Variants in ABCB9 observed in about 807,000 individuals in gnomAD.
ABCB9 encodes the protein ABC-type oligopeptide transporter ABCB9.
Under a neutral mutation model 62.0 loss-of-function variants are expected in ABCB9, and 36 were observed. The observed-to-expected ratio is 0.58, with a 90% CI of 0.45 to 0.77. The LOEUF (loss-of-function observed/expected upper bound fraction) is 0.77, where lower values mean the gene tolerates loss of function less well. Among genes scored for constraint, ABCB9 ranks in the 30% least tolerant of loss-of-function variants. The pLI is 0.00. For synonymous variants in ABCB9, 435 were observed against 461.4 expected (o/e 0.94, Z 0.73); for missense variants, 943 against 1,054.7 (o/e 0.89, Z 1.47).
At position 122,930,035 on chromosome 12, in the gene ABCB9, T is replaced by A. The variant is rs777845065; in HGVS notation, c.2177A>T (p.Gln726Leu). 6.4e-7 allele frequency: 1 copy of A among 1,572,082 alleles called. No homozygotes were observed. The highest frequency in any genetic ancestry group is 8.6e-7 in the Non-Finnish European group (1 of 1,159,702). ...GTAGAGGCCGCCCTGGGCCAGCAGC[T>A]GCTGGTGGGTGCCCTGCTGCACTAC... ...GRVVQQGTHQ[Q>L]LLAQGGLYAK... The change falls in exon 12 of 12, where the codon CAG becomes CTG. Residue 726 changes from glutamine to leucine, a missense_variant. Coordinates refer to ENST00000280560, the MANE Select transcript of ABCB9 (RefSeq NM_019625.4). The surrounding 1 kb of genome is among the most constrained non-coding windows in gnomAD (Gnocchi z 4.9).
chr12:122,926,351 C>T (rs1373760082), downstream of ABCB9, among the ~76,000 whole-genome samples: 1 of 152,070 alleles, frequency 6.6e-6, no homozygotes, highest in South Asian at 2.1e-4. Flanking sequence ...TCAAGACCAG[C>T]CTGGCCAACA....
chr12:122,935,541 AC>A, intron 9 of ABCB9, 110 bp from the exon 10 acceptor site: 1 of 1,330,472 alleles, frequency 7.5e-7, no homozygotes, highest in Non-Finnish European at 1.0e-6. Flanking sequence ...CAGGCCTGAA[AC>A]CTGATCAGGG....
chr12:122,939,872 TC>T, intron 9 of ABCB9: 1 of 521,408 alleles, frequency 1.9e-6, no homozygotes, highest in Non-Finnish European at 3.3e-6. Context: ...CACTATGTTG[TC>T]CAGGCTGGCC....
At chr12:122,953,964 G>C (rs1259473318) in intron 2 of ABCB9, among the ~76,000 whole-genome samples, 2 of 152,182 alleles carry the variant, frequency 1.3e-5, no homozygotes, top group Non-Finnish European at 2.9e-5. Flanking sequence ...GAGAGATTAA[G>C]TCACTTGCCC....
At position 122,944,477 on chromosome 12, in the gene ABCB9, C is replaced by T; in HGVS notation, c.1294G>A (p.Gly432Ser). The change falls in exon 7 of 12, where the codon GGC (glycine) becomes AGC (serine). Residue 432 changes from glycine to serine, a missense_variant. Physicochemically the swap from Gly to Ser is moderately conservative, Grantham distance 56 (BLOSUM62 0). Transcript: ENST00000280560. The surrounding 1 kb of genome is among the most constrained non-coding windows in gnomAD (Gnocchi z 4.9). ...ATCTGGCCTGAGATGACAAGGTGGCCCCCGTAGTAGAGGATGCTGACCTGG... is the reference window on the plus strand; with the variant it reads ...ATCTGGCCTGAGATGACAAGGTGGCTCCCGTAGTAGAGGATGCTGACCTGG... ...VVQVSILYYG[G>S]HLVISGQMTS... The T allele has an allele frequency of 6.2e-7, 1 of 1,614,004 alleles. No individual in the cohort carries two copies. The highest frequency in any genetic ancestry group is 8.5e-7 in the Non-Finnish European group (1 of 1,179,968).
rs1344292440 is a variant in ABCB9 at position 122,964,293 on chromosome 12, G to A, written c.-88+1994C>T. Among the ~76,000 whole-genome samples the A allele has an allele frequency of 6.6e-6, 1 of 152,186 alleles. No individual in the cohort carries two copies. Among genetic ancestry groups the A allele is most frequent in the Non-Finnish European group, 1.5e-5 (1 of 68,034 alleles). ...CATCCCCCAACAGCCCAGGGTACCA[G>A]TCATGCCCCCCGCCTCCAGAAGCCT... On this transcript the variant is annotated intron_variant, in intron 1 of 11. Coordinates refer to ENST00000280560, the MANE Select transcript of ABCB9 (RefSeq NM_019625.4). The surrounding 1 kb of genome is among the most constrained non-coding windows in gnomAD (Gnocchi z 4.7).
chr12:122,935,460 A>G, intron 9 of ABCB9, 29 bp from the exon 10 acceptor site: 1 of 1,601,776 alleles, frequency 6.2e-7, no homozygotes, highest in Non-Finnish European at 8.5e-7. Context: ...GGAGCATGAG[A>G]GGCCAGGAAT....
Position 122,964,572 on chromosome 12 carries a change from T to C in ABCB9, c.-88+1715A>G, listed in dbSNP as rs947763641. ...TACAGTCCTCGGTGGGGACAGTTAC[T>C]CCGTTATTTTTAAAGCTACTGGGCA... On this transcript the variant is annotated intron_variant, in intron 1 of 11. Coordinates refer to ENST00000280560, the MANE Select transcript of ABCB9 (RefSeq NM_019625.4). This position sits in a 1 kb window ranked among gnomAD's most constrained non-coding sequence, Gnocchi z 4.7. Among the ~76,000 whole-genome samples, 3 of 152,054 alleles carry C rather than the reference T, an allele frequency of 2.0e-5. No individual in the cohort carries two copies. Among genetic ancestry groups the C allele is most frequent in the Non-Finnish European group, 2.9e-5 (2 of 68,002 alleles).
At chr12:122,970,006 C>T (rs2037252647), upstream of ABCB9, among the ~76,000 whole-genome samples, 2 of 152,170 alleles carry the variant, frequency 1.3e-5, no homozygotes, top group South Asian at 2.1e-4. Context: ...GGCAATCACA[C>T]TCTGTGATAT....
At chr12:122,969,171 T>TCCC (rs1389460283), upstream of ABCB9, among the ~76,000 whole-genome samples, 1 of 34,798 alleles carries the variant, frequency 2.9e-5, no homozygotes, top group Non-Finnish European at 6.2e-5. Flanking sequence ...CAGCATCCTT[T>TCCC]CCACCCCCCC....
chr12:122,963,828 C>A (rs926593108), intron 1 of ABCB9, among the ~76,000 whole-genome samples: 2 of 152,188 alleles, frequency 1.3e-5, no homozygotes, highest in Non-Finnish European at 2.9e-5. Context: ...AGCTGCCCCT[C>A]CAAAGACGGT....
At position 122,944,923 on chromosome 12, in the gene ABCB9, C is replaced by T. The variant is rs1465121925; in HGVS notation, c.1252-404G>A. 3.9e-5 allele frequency among the ~76,000 whole-genome samples: 6 copies of T among 152,208 alleles called. No homozygotes were observed. Among genetic ancestry groups the T allele is most frequent in the South Asian group, 2.1e-4 (1 of 4,836 alleles). On this transcript the variant is annotated intron_variant, in intron 6 of 11. Transcript: ENST00000280560. The surrounding 1 kb of genome is among the most constrained non-coding windows in gnomAD (Gnocchi z 4.9). Reference sequence around the variant, plus strand: ...TCTGTCTCCTCCCCCAGTGGGGTTCCGTGAAGAAGGGGCTGTGATGGGAGC... The same window carrying T: ...TCTGTCTCCTCCCCCAGTGGGGTTCTGTGAAGAAGGGGCTGTGATGGGAGC...
Position 122,929,890 on chromosome 12 carries a change from G to T in ABCB9, c.*21C>A. The T allele has an allele frequency of 6.6e-7, 1 of 1,514,978 alleles. No individual in the cohort carries two copies. The highest frequency in any genetic ancestry group is 8.8e-7 in the Non-Finnish European group (1 of 1,131,704). 93.8% of individuals were successfully genotyped at this position (1,514,978 alleles called of 1,614,324 possible). On this transcript the variant is annotated 3_prime_UTR_variant, in exon 12 of 12. Transcript: ENST00000280560. The surrounding 1 kb of genome is among the most constrained non-coding windows in gnomAD (Gnocchi z 6.0). ...CAGGCACCGGGTCCTCTGCCCCACC[G>T]GGAGAAGCAGGGGCCCCCCATCAGG...
At chr12:122,931,611 C>T in intron 11 of ABCB9, 1 of 156,304 alleles carries the variant, frequency 6.4e-6, no homozygotes, top group Non-Finnish European at 1.4e-5. Flanking sequence ...AGGCATGAGC[C>T]ATCATACTGG....
chr12:122,949,909 G>A lies in ABCB9; in HGVS notation c.726C>T (p.Ala242=), dbSNP rs765982881. ...TAAAAATGCCGCCCCGAATACCTGC[G>A]GCAAATGAGCTAATTGCAGATAAGA... is the stretch of plus-strand genomic sequence containing the variant. ...VCLLAIGSSF[A]AGIRGGIFTL... is the part of the protein sequence containing the mutation. The change falls in exon 4 of 12, where the codon GCC becomes GCT. Residue 242 remains alanine (A), a synonymous_variant. Transcript: ENST00000280560. The A allele has an allele frequency of 1.2e-5, 19 of 1,614,006 alleles. No individual in the cohort carries two copies. The highest frequency in any genetic ancestry group is 6.6e-5 in the South Asian group (6 of 91,080).
rs2035945033 is a variant in ABCB9, at chr12:122,944,707, C to CT, written c.1252-189dup. 13 of 705,928 alleles carry CT rather than the reference C, an allele frequency of 1.8e-5. No homozygotes were observed. In the South Asian group the frequency reaches 2.0e-4, roughly 11 times the overall value. 43.7% of individuals were successfully genotyped at this position (705,928 alleles called of 1,614,324 possible). On this transcript the variant is annotated intron_variant, in intron 6 of 11. Transcript: ENST00000280560. This position sits in a 1 kb window ranked among gnomAD's most constrained non-coding sequence, Gnocchi z 4.9. ...GCCTTCCCCTGCCCCGAGCATTTCC[C>CT]TACAGAGGCCTCCAGCTGGAGCAGG...
At chr12:122,965,788 C>T (rs2037139257) in intron 1 of ABCB9, among the ~76,000 whole-genome samples, 1 of 152,078 alleles carries the variant, frequency 6.6e-6, no homozygotes, top group South Asian at 2.1e-4. Context: ...ACCTACAGGC[C>T]TCACTGCCAG....
At position 122,932,246 on chromosome 12, in the gene ABCB9, TG is replaced by T. The variant is rs1169625873; in HGVS notation, c.1985del (p.Pro662GlnfsTer19). ...TGGTGGCTTCATCCAGGATGAGGAC[TG>T]GGGGGTTCCGCACCAGAGCCCGGGC... ...AMARALVRNP[P>X]VLILDEATSA... On this transcript the variant is annotated frameshift_variant, in exon 11 of 12. Coordinates refer to ENST00000280560, the MANE Select transcript of ABCB9 (RefSeq NM_019625.4). LOFTEE classifies it high-confidence loss of function. The surrounding 1 kb of genome is among the most constrained non-coding windows in gnomAD (Gnocchi z 4.7). 2.6e-6 allele frequency: 4 copies of T among 1,551,968 alleles called. No homozygotes were observed. The highest frequency in any genetic ancestry group is 3.9e-5 in the Admixed American group (2 of 51,062).
At chr12:122,956,356 G>A (rs1343090707) in intron 2 of ABCB9, among the ~76,000 whole-genome samples, 1 of 152,216 alleles carries the variant, frequency 6.6e-6, no homozygotes, top group Non-Finnish European at 1.5e-5. Context: ...CAGATGTTGA[G>A]GAGATGGGAC....
Sources: gnomAD v4.1 joint callset for allele counts (sites outside exome capture counted in the v4.1 genomes callset) on GRCh38, gnomAD v4.1.1 for gene constraint, Gnocchi (gnomAD v3.1) non-coding constraint, MANE v1.5 for transcripts, NCBI Gene and HGNC (gene_info 2026-07-23, HGNC 2026-07-21) for gene names.